CR1: variants seen among roughly 807,000 people sequenced by gnomAD.
CR1 encodes the protein complement receptor type 1.
CR1 carries 116 observed loss-of-function variants against 187.3 expected under a neutral mutation model. The observed-to-expected ratio is 0.62, with a 90% confidence interval of 0.53 to 0.72. The LOEUF (loss-of-function observed/expected upper bound fraction) is 0.72, where lower values mean the gene tolerates loss of function less well. Among genes scored for constraint, CR1 ranks in the 30% least tolerant of loss-of-function variants. The pLI is 0.00. For synonymous variants in CR1, 576 were observed against 747.1 expected, an observed-to-expected ratio of 0.77 and a Z score of 3.73; for missense variants, 1,731 against 2,110.7, an observed-to-expected ratio of 0.82 and a Z score of 3.52.
rs74153331 is a variant in CR1, at chr1:207,620,477, T to C, written c.7252+412T>C. 8.1e-3 allele frequency among the ~76,000 whole-genome samples: 1,229 copies of C among 152,290 alleles called. 18 individuals are homozygous for C. Among genetic ancestry groups the C allele is most frequent in the African/African-American group, 0.028 (1,160 of 41,554 alleles). ...GGATAGAGCAGATTTAGAAATTACG[T>C]ATCATTGAGCTCTGTAGAAGAGTAG... On this transcript the variant is annotated intron_variant, in intron 43 of 46. Coordinates refer to ENST00000367049, the MANE Select transcript of CR1 (RefSeq NM_000651.6).
At chr1:207,578,257 G>A (rs988406040) in intron 29 of CR1, 54 bp downstream of exon 29, 2 of 1,611,700 alleles carry the variant, frequency 1.2e-6, no homozygotes, top group Non-Finnish European at 1.7e-6. Flanking sequence ...GTTGCTGTTG[G>A]ATCAGGAGAT....
At chr1:207,625,732 G>A (rs1662459895) in intron 45 of CR1, among the ~76,000 whole-genome samples, 1 of 152,098 alleles carries the variant, frequency 6.6e-6, no homozygotes, top group Admixed American at 6.6e-5. Context: ...TGTGGGAAAT[G>A]TTCCTCATGT....
chr1:207,552,523 CAGATCTAA>C (rs1213410225), intron 18 of CR1, among the ~76,000 whole-genome samples: 3 of 108,064 alleles, frequency 2.8e-5, no homozygotes, highest in African/African-American at 6.3e-5. Context: ...GGTCTCTACA[CAGATCTAA>C]ATCTAGATCT....
intron 1 of CR1, among the ~76,000 whole-genome samples, chr1:207,500,502 G>A (rs1056508240): frequency 6.6e-6 from 1 of 152,252 alleles, no homozygotes; most frequent in Non-Finnish European, 1.5e-5. Context: ...ACATCAACTT[G>A]CTTTGAATGG....
At chr1:207,617,984 C>A in intron 41 of CR1, 87 bp from the exon 42 acceptor site, 1 of 1,422,334 alleles carries the variant, frequency 7.0e-7, no homozygotes, top group Non-Finnish European at 9.5e-7. Flanking sequence ...CCTCTAATAG[C>A]CAGAGATATT....
At chr1:207,606,159 C>T (rs914151176) in intron 35 of CR1, among the ~76,000 whole-genome samples, 2 of 152,148 alleles carry the variant, frequency 1.3e-5, no homozygotes, top group Non-Finnish European at 2.9e-5. Flanking sequence ...AAATGAGAGC[C>T]CATCTTATCT....
chr1:207,607,223 T>C (rs773858769), intron 35 of CR1, 28 bp from the exon 36 acceptor site: 4 of 1,543,254 alleles, frequency 2.6e-6, no homozygotes, highest in Non-Finnish European at 3.6e-6. Context: ...ATGTGTAGCG[T>C]ATAACCATTT....
intron 32 of CR1, 40 bp downstream of exon 32, chr1:207,582,043 T>G: frequency 6.8e-7 from 1 of 1,479,190 alleles, no homozygotes. Flanking sequence ...GATCTTTCTG[T>G]TTTTTTCTTA....
At chr1:207,516,591 G>T (rs756287581) in intron 4 of CR1, among the ~76,000 whole-genome samples, 10 of 152,130 alleles carry the variant, frequency 6.6e-5, no homozygotes, top group Non-Finnish European at 1.3e-4. Flanking sequence ...TTGTGGACAA[G>T]TAACAAATTT....
intron 33 of CR1, among the ~76,000 whole-genome samples, chr1:207,585,096 A>T (rs929267577): frequency 6.6e-6 from 1 of 151,852 alleles, no homozygotes; most frequent in African/African-American, 2.4e-5. Flanking sequence ...GGAGTGGAAG[A>T]GGGTGGGAAA....
intron 35 of CR1, among the ~76,000 whole-genome samples, chr1:207,601,061 G>C (rs975343713): frequency 6.6e-6 from 1 of 151,682 alleles, no homozygotes; most frequent in Non-Finnish European, 1.5e-5. Flanking sequence ...TATATAAAAG[G>C]CTGCTGGAGT....
intron 33 of CR1, 61 bp downstream of exon 33, chr1:207,584,937 G>A (rs528341569): frequency 1.3e-6 from 2 of 1,595,212 alleles, no homozygotes; most frequent in South Asian, 2.2e-5. Context: ...AATCCCTCAT[G>A]TTTCTGTAAT....
At chr1:207,578,402 T>C (rs1660835023) in intron 29 of CR1, among the ~76,000 whole-genome samples, 199 bp downstream of exon 29, 1 of 152,218 alleles carries the variant, frequency 6.6e-6, no homozygotes, top group Admixed American at 6.5e-5. Flanking sequence ...AGCAAGACCT[T>C]AATTAGCCAA....
intron 43 of CR1, 58 bp downstream of exon 43, chr1:207,620,123 T>G: frequency 6.6e-7 from 1 of 1,524,458 alleles, no homozygotes; most frequent in Non-Finnish European, 8.9e-7. Flanking sequence ...GCTCATTCAT[T>G]CATCCATATT....
intron 1 of CR1, among the ~76,000 whole-genome samples, chr1:207,497,046 C>G (rs1329275557): frequency 6.6e-6 from 1 of 152,186 alleles, no homozygotes; most frequent in Non-Finnish European, 1.5e-5. Context: ...CCTCGCCCCC[C>G]ACACCAAGCC....
intron 3 of CR1, among the ~76,000 whole-genome samples, chr1:207,510,772 C>A (rs12748882): frequency 1.1e-5 from 1 of 87,468 alleles, no homozygotes; most frequent in Admixed American, 1.2e-4. Flanking sequence ...CTTCCTCCCT[C>A]CCTTCCTTCC....
rs1225936445 is a variant in CR1, at chr1:207,618,271, T to C, written c.7066+24T>C. ...AGGTGACTTATTTCTTGGTATTCCT[T>C]ATTCTTGCTGGGTTGTATGGAATGC... is the stretch of plus-strand genomic sequence containing the variant. On this transcript the variant is annotated intron_variant, in intron 42 of 46. Transcript: ENST00000367049. The C allele has an allele frequency of 2.5e-6, 4 of 1,608,296 alleles. No homozygotes were observed. In the African/African-American group the frequency reaches 5.3e-5, roughly 21 times the overall value.
chr1:207,617,503 A>ATGTG lies in CR1; in HGVS notation c.6890-567_6890-566insGTGT, dbSNP rs1198212990. 3.3e-4 allele frequency among the ~76,000 whole-genome samples: 16 copies of ATGTG among 49,094 alleles called. 2 individuals are homozygous for ATGTG. Among genetic ancestry groups the ATGTG allele is most frequent in the East Asian group, 9.3e-4 (2 of 2,150 alleles). 32.2% of individuals were successfully genotyped at this position (49,094 alleles called of 152,430 possible). A position where few individuals can be genotyped will look rare whatever the true frequency, so the allele number is the denominator to read the frequency against. On this transcript the variant is annotated intron_variant, in intron 41 of 46. Coordinates refer to ENST00000367049, the MANE Select transcript of CR1 (RefSeq NM_000651.6). The stretch of plus-strand genomic sequence containing the variant: ...TTAAAGTATATATATATATATATAT[A>ATGTG]TATATGTGTGTGTGTGTGTGTGTGT...
At chr1:207,591,338 C>T (rs1661265404) in intron 35 of CR1, among the ~76,000 whole-genome samples, 1 of 152,164 alleles carries the variant, frequency 6.6e-6, no homozygotes, top group Admixed American at 6.5e-5. Context: ...GAACAGCCTG[C>T]TCTGAATGAC....
Sources: gnomAD v4.1 joint callset for allele counts (sites outside exome capture counted in the v4.1 genomes callset) on GRCh38, gnomAD v4.1.1 for gene constraint, MANE v1.5 for transcripts, NCBI Gene and HGNC (gene_info 2026-07-23, HGNC 2026-07-21) for gene names.